The following ATP2B1 variants were observed in gnomAD, a reference collection of about 807,000 sequenced individuals.
The protein encoded by ATP2B1 is plasma membrane calcium-transporting ATPase 1.
A neutral mutation model predicts 124.2 loss-of-function variants in ATP2B1; 14 were observed. The ratio of observed to expected loss-of-function variants is 0.11; its 90% confidence interval spans 0.07 to 0.18. The LOEUF (loss-of-function observed/expected upper bound fraction) is 0.18. Ranked by LOEUF, ATP2B1 falls within the 10% of genes least tolerant of loss-of-function variation. The pLI is 1.00. For synonymous variants in ATP2B1, 449 were observed against 492.4 expected, an observed-to-expected ratio of 0.91 and a Z score of 1.17; for missense variants, 763 against 1,466.1, an observed-to-expected ratio of 0.52 and a Z score of 7.83.
At position 89,708,814 on chromosome 12, in the gene ATP2B1, G is replaced by C. The variant is rs1421734335; in HGVS notation, c.-440C>G. The C allele has an allele frequency of 1.3e-5, 2 of 151,932 alleles. No individual in the cohort carries two copies. The highest frequency in any genetic ancestry group is 2.9e-5 in the Non-Finnish European group (2 of 67,982). 9.4% of individuals were successfully genotyped at this position (151,932 alleles called of 1,614,324 possible). On this transcript the variant is annotated 5_prime_UTR_variant, in exon 1 of 21. Transcript: ENST00000428670. Reference sequence around the variant, plus strand: ...CGAGAGGCTCGGCGTCCACCAGCCGGGGCTCCCTACTCACGCTGCACTGCG... The same window carrying C: ...CGAGAGGCTCGGCGTCCACCAGCCGCGGCTCCCTACTCACGCTGCACTGCG...
intron 10 of ATP2B1, 105 bp from the exon 11 acceptor site, chr12:89,620,345 T>C: frequency 7.5e-7 from 1 of 1,330,854 alleles, no homozygotes; most frequent in Admixed American, 2.4e-5. Context: ...TACAAAGCAA[T>C]TGTCTAATAT....
At chr12:89,597,046 T>C (rs1297552797) in intron 20 of ATP2B1, among the ~76,000 whole-genome samples, 1 of 152,176 alleles carries the variant, frequency 6.6e-6, no homozygotes, top group Non-Finnish European at 1.5e-5. Context: ...TTTACTACCA[T>C]GTAGAAATTT....
intron 8 of ATP2B1, among the ~76,000 whole-genome samples, chr12:89,626,065 A>G (rs1322153211): frequency 6.6e-6 from 1 of 152,212 alleles, no homozygotes; most frequent in African/African-American, 2.4e-5. Flanking sequence ...GAACTTTAAC[A>G]TTAGAGACAT....
At chr12:89,643,752 G>C (rs1209059330) in intron 2 of ATP2B1, among the ~76,000 whole-genome samples, 1 of 152,242 alleles carries the variant, frequency 6.6e-6, no homozygotes, top group East Asian at 1.9e-4. Context: ...GAATGTAACA[G>C]TACAGACAGC....
At chr12:89,605,869 A>G (rs1036659729) in intron 15 of ATP2B1, among the ~76,000 whole-genome samples, 1 of 152,216 alleles carries the variant, frequency 6.6e-6, no homozygotes, top group Non-Finnish European at 1.5e-5. Flanking sequence ...TCTCTTAGAC[A>G]CTAAAATTGG....
chr12:89,658,598 G>GGAGAGAGAGAGAGA (rs67298800), intron 1 of ATP2B1, among the ~76,000 whole-genome samples: 979 of 69,526 alleles, frequency 0.014, 76 homozygotes, highest in Non-Finnish European at 0.016. Flanking sequence ...AATTCAAACA[G>GGAGAGAGAGAGAGA]GAGAGAGAGA....
intron 8 of ATP2B1, among the ~76,000 whole-genome samples, chr12:89,625,031 G>C (rs1402824516): frequency 1.3e-5 from 2 of 152,006 alleles, no homozygotes; most frequent in African/African-American, 4.8e-5. Context: ...CCAGCACTTT[G>C]GGAAGTCGAG....
At chr12:89,605,800 G>A (rs1876722237) in intron 15 of ATP2B1, among the ~76,000 whole-genome samples, 1 of 152,182 alleles carries the variant, frequency 6.6e-6, no homozygotes, top group African/African-American at 2.4e-5. Flanking sequence ...CAGCTGTGCA[G>A]CAAGGCTAGC....
At chr12:89,593,057 C>A (rs1242306717) in intron 20 of ATP2B1, among the ~76,000 whole-genome samples, 1 of 152,026 alleles carries the variant, frequency 6.6e-6, no homozygotes, top group African/African-American at 2.4e-5. Flanking sequence ...TGAATAGCAG[C>A]AAATATTTTT....
At chr12:89,640,612 A>G (rs1318851981) in intron 3 of ATP2B1, among the ~76,000 whole-genome samples, 1 of 118,720 alleles carries the variant, frequency 8.4e-6, no homozygotes, top group Non-Finnish European at 1.8e-5. Context: ...ATAATTATTG[A>G]TAGAGTTTGG....
chr12:89,699,747 T>C (rs1231212362), intron 1 of ATP2B1, among the ~76,000 whole-genome samples: 1 of 152,202 alleles, frequency 6.6e-6, no homozygotes, highest in Non-Finnish European at 1.5e-5. Context: ...TGGGTATTTC[T>C]AGCAAAAGAA....
intron 11 of ATP2B1, 31 bp downstream of exon 11, chr12:89,619,968 C>T: frequency 6.2e-7 from 1 of 1,608,728 alleles, no homozygotes; most frequent in South Asian, 1.1e-5. Context: ...CTATAGTCAG[C>T]AATTTATTCA....
chr12:89,673,250 G>A (rs1019238808), intron 1 of ATP2B1, among the ~76,000 whole-genome samples: 8 of 152,214 alleles, frequency 5.3e-5, no homozygotes, highest in African/African-American at 1.9e-4. Context: ...GAACCTACAA[G>A]AGGGAAATAT....
At chr12:89,697,064 C>CAAAA (rs59301153) in intron 1 of ATP2B1, among the ~76,000 whole-genome samples, 1 of 114,262 alleles carries the variant, frequency 8.8e-6, no homozygotes, top group African/African-American at 3.3e-5. Context: ...CTACTTCCTT[C>CAAAA]AAAAAAAAAA....
chr12:89,670,285 T>C (rs1481754170), intron 1 of ATP2B1, among the ~76,000 whole-genome samples: 1 of 151,642 alleles, frequency 6.6e-6, no homozygotes, highest in Non-Finnish European at 1.5e-5. Context: ...ATAATAAAAA[T>C]AATAAATACG....
chr12:89,603,618 A>G lies in ATP2B1; in HGVS notation c.2848+94T>C, dbSNP rs1330944639. On this transcript the variant is annotated intron_variant, in intron 17 of 20. Coordinates refer to ENST00000428670, the MANE Select transcript of ATP2B1 (RefSeq NM_001366521.1). The surrounding 1 kb of genome is among the most constrained non-coding windows in gnomAD (Gnocchi z 4.3). ...AAATGGGAAGTCAGGAGTAGAATTT[A>G]GGCTCTTGAAAATTTGTAACATTAT... The G allele has an allele frequency of 3.9e-6, 5 of 1,282,636 alleles. No individual in the cohort carries two copies. Among genetic ancestry groups the G allele is most frequent in the Non-Finnish European group, 5.5e-6 (5 of 912,084 alleles). The allele number at this position is 1,282,636 out of a possible 1,614,324, so 79.5% of individuals were successfully genotyped here.
At chr12:89,621,992 G>A (rs933749947) in intron 9 of ATP2B1, among the ~76,000 whole-genome samples, 1 of 151,376 alleles carries the variant, frequency 6.6e-6, no homozygotes, top group Non-Finnish European at 1.5e-5. Context: ...CACAGTACCA[G>A]AGCTTTCTGG....
intron 3 of ATP2B1, among the ~76,000 whole-genome samples, chr12:89,640,953 G>C (rs1182660854): frequency 6.6e-6 from 1 of 152,110 alleles, no homozygotes; most frequent in East Asian, 1.9e-4. Flanking sequence ...GCCAGTCTCA[G>C]GTATTCTTAT....
At position 89,603,484 on chromosome 12, in the gene ATP2B1, G is replaced by A. The variant is rs940833695; in HGVS notation, c.2848+228C>T. 1 of 633,360 alleles carries A rather than the reference G, an allele frequency of 1.6e-6. No individual in the cohort carries two copies. The highest frequency in any genetic ancestry group is 2.7e-6 in the Non-Finnish European group (1 of 371,512). The allele number at this position is 633,360 out of a possible 1,614,324, so 39.2% of individuals were successfully genotyped here. A position where few individuals can be genotyped will look rare whatever the true frequency, so the allele number is the denominator to read the frequency against. On this transcript the variant is annotated intron_variant, in intron 17 of 20. Transcript: ENST00000428670. This position sits in a 1 kb window ranked among gnomAD's most constrained non-coding sequence, Gnocchi z 4.3. ...AGGATCACATATCTAAATTAGTGGA[G>A]AGCCAGGGTAAGACATCAGGACTGT...
Sources: gnomAD v4.1 joint callset for allele counts (sites outside exome capture counted in the v4.1 genomes callset) on GRCh38, gnomAD v4.1.1 for gene constraint, Gnocchi (gnomAD v3.1) non-coding constraint, MANE v1.5 for transcripts, NCBI Gene and HGNC (gene_info 2026-07-23, HGNC 2026-07-21) for gene names.